Variants in IGF1R observed in about 807,000 individuals in gnomAD.
IGF1R encodes the protein insulin-like growth factor 1 receptor.
IGF1R carries 44 observed loss-of-function variants against 144.6 expected under a neutral mutation model. The ratio of observed to expected loss-of-function variants is 0.30; its 90% CI spans 0.24 to 0.39. The LOEUF (loss-of-function observed/expected upper bound fraction) is 0.39. Ranked by LOEUF, IGF1R falls within the 10% of genes least tolerant of loss-of-function variation. IGF1R has a pLI of 1.00. For synonymous variants in IGF1R, 795 were observed against 722.8 expected (o/e 1.10, Z -1.60); for missense variants, 1,355 against 1,833.7 (o/e 0.74, Z 4.77).
chr15:98,960,786 T>TC lies in IGF1R; in HGVS notation c.*3349dup. The TC allele has an allele frequency of 4.3e-6, 1 of 233,538 alleles. No individual in the cohort carries two copies. Among genetic ancestry groups the TC allele is most frequent in the East Asian group, 6.0e-5 (1 of 16,568 alleles). 14.5% of individuals were successfully genotyped at this position (233,538 alleles called of 1,614,324 possible). A position where few individuals can be genotyped will look rare whatever the true frequency, so the allele number is the denominator to read the frequency against. The stretch of plus-strand genomic sequence containing the variant: ...GAACACACGCAGGAGCAGAGTCCCC[T>TC]CCCCCTCCAGGCTGCCCTCTCAACT... On this transcript the variant is annotated 3_prime_UTR_variant, in exon 21 of 21. Transcript: ENST00000650285.
At chr15:98,855,197 CATGAGAGTGAGG>C (rs2011737849) in intron 2 of IGF1R, among the ~76,000 whole-genome samples, 1 of 152,212 alleles carries the variant, frequency 6.6e-6, no homozygotes, top group Admixed American at 6.5e-5. Flanking sequence ...TGTGTCCCCC[CATGAGAGTGAGG>C]ACAGTCTCAT....
chr15:98,722,747 G>A (rs73473492), intron 2 of IGF1R, among the ~76,000 whole-genome samples: 9,961 of 152,208 alleles, frequency 0.065, 858 homozygotes, highest in African/African-American at 0.2. Context: ...TGAGGCCTTA[G>A]CACTTAACAG....
intron 1 of IGF1R, among the ~76,000 whole-genome samples, chr15:98,667,261 C>T (rs2052766603): frequency 6.6e-6 from 1 of 152,174 alleles, no homozygotes; most frequent in African/African-American, 2.4e-5. Flanking sequence ...CTTATTTTTC[C>T]AGAAGAGAGA....
At chr15:98,756,070 TA>T (rs1221630757) in intron 2 of IGF1R, among the ~76,000 whole-genome samples, 5 of 152,186 alleles carry the variant, frequency 3.3e-5, no homozygotes, top group East Asian at 3.8e-4. Context: ...GATTTGCTAA[TA>T]TTTTTTTAAA....
intron 11 of IGF1R, among the ~76,000 whole-genome samples, chr15:98,922,750 G>T (rs756225951): frequency 6.6e-6 from 1 of 152,210 alleles, no homozygotes; most frequent in South Asian, 2.1e-4. Flanking sequence ...CCCCTCTTGC[G>T]CACAAATCGG....
At chr15:98,865,595 G>C (rs978937572) in intron 2 of IGF1R, among the ~76,000 whole-genome samples, 1 of 152,208 alleles carries the variant, frequency 6.6e-6, no homozygotes, top group African/African-American at 2.4e-5. Context: ...TTTGTGGTTT[G>C]GGAAGATATG....
intron 5 of IGF1R, among the ~76,000 whole-genome samples, chr15:98,907,672 C>G (rs544230498): frequency 1.3e-5 from 2 of 152,362 alleles, no homozygotes; most frequent in East Asian, 3.9e-4. Context: ...GGATCTTTCT[C>G]TAGACCTAAG....
intron 10 of IGF1R, among the ~76,000 whole-genome samples, chr15:98,920,289 T>C (rs1224025826): frequency 1.3e-5 from 2 of 152,228 alleles, no homozygotes; most frequent in African/African-American, 2.4e-5. Flanking sequence ...GATAATGTTC[T>C]GTGTCACCTC....
At chr15:98,943,904 C>CT (rs2151720224) in intron 19 of IGF1R, among the ~76,000 whole-genome samples, 1 of 152,210 alleles carries the variant, frequency 6.6e-6, no homozygotes, top group South Asian at 2.1e-4. Context: ...CCTCGTAAAC[C>CT]TTTCACAGTT....
chr15:98,844,235 G>C (rs1166643922), intron 2 of IGF1R, among the ~76,000 whole-genome samples: 1 of 152,120 alleles, frequency 6.6e-6, no homozygotes, highest in Admixed American at 6.6e-5. Flanking sequence ...AAAAGCAAAG[G>C]AAATTCCAGA....
Position 98,963,761 on chromosome 15 carries a change from G to A in IGF1R, c.*6319G>A, listed in dbSNP as rs879892789. The A allele has an allele frequency of 1.1e-4, 26 of 232,908 alleles. No individual in the cohort carries two copies. Among genetic ancestry groups the A allele is most frequent in the African/African-American group, 5.1e-4 (23 of 45,300 alleles). The allele number at this position is 232,908 out of a possible 1,614,324, so 14.4% of individuals were successfully genotyped here. On this transcript the variant is annotated 3_prime_UTR_variant, in exon 21 of 21. Transcript: ENST00000650285. ...CAGAAGAGACCCTATTTTATTTAAG[G>A]CAGAACCCCGAAGATACGTATTTCC... is the stretch of plus-strand genomic sequence containing the variant.
At chr15:98,717,506 G>A (rs1312545428) in intron 2 of IGF1R, among the ~76,000 whole-genome samples, 1 of 152,134 alleles carries the variant, frequency 6.6e-6, no homozygotes, top group Non-Finnish European at 1.5e-5. Context: ...CATACTGTAG[G>A]TGTGGTTCTT....
intron 2 of IGF1R, among the ~76,000 whole-genome samples, chr15:98,759,307 C>T (rs1382769425): frequency 6.6e-6 from 1 of 152,198 alleles, no homozygotes; most frequent in African/African-American, 2.4e-5. Context: ...CAGAGTGCCC[C>T]AGAAAGGACA....
At chr15:98,918,751 C>T (rs750565025) in intron 10 of IGF1R, among the ~76,000 whole-genome samples, 2 of 152,158 alleles carry the variant, frequency 1.3e-5, no homozygotes, top group South Asian at 4.1e-4. Context: ...TGGTGGTGCA[C>T]ACCTGTAATC....
intron 2 of IGF1R, among the ~76,000 whole-genome samples, chr15:98,852,435 G>T (rs999406831): frequency 1.3e-5 from 2 of 152,244 alleles, no homozygotes; most frequent in African/African-American, 2.4e-5. Flanking sequence ...CTCCCCGCCG[G>T]CCAATCGCTG....
chr15:98,675,967 A>T (rs2053031429), intron 1 of IGF1R, among the ~76,000 whole-genome samples: 1 of 151,302 alleles, frequency 6.6e-6, no homozygotes, highest in African/African-American at 2.4e-5. Context: ...CTGGGATTAC[A>T]GGCGTGCGCC....
In IGF1R at chr15:98,959,055, A is replaced by AC. The variant is rs2017123950; in HGVS notation, c.*1614dup. 4.3e-6 allele frequency: 1 copy of AC among 233,140 alleles called. No homozygotes were observed. The highest frequency in any genetic ancestry group is 8.5e-6 in the Non-Finnish European group (1 of 118,026). 14.4% of individuals were successfully genotyped at this position (233,140 alleles called of 1,614,324 possible). A position where few individuals can be genotyped will look rare whatever the true frequency, so the allele number is the denominator to read the frequency against. ...TGCCCTCACAGCATTGGAGCCTGTT[A>AC]CAGTGCAAGACATGATACAAACTCA... On this transcript the variant is annotated 3_prime_UTR_variant, in exon 21 of 21. Transcript: ENST00000650285.
intron 20 of IGF1R, among the ~76,000 whole-genome samples, chr15:98,956,186 G>A (rs1192027191): frequency 4.6e-5 from 7 of 152,272 alleles, no homozygotes; most frequent in Non-Finnish European, 1.0e-4. Flanking sequence ...ACAGCCGGCA[G>A]GACTCCCTTT....
intron 17 of IGF1R, among the ~76,000 whole-genome samples, chr15:98,937,983 C>A (rs1482775395): frequency 3.9e-5 from 6 of 152,214 alleles, no homozygotes; most frequent in African/African-American, 1.4e-4. Flanking sequence ...CACCAAGAGA[C>A]AGCTTTGACA....
Sources: gnomAD v4.1 joint callset for allele counts (sites outside exome capture counted in the v4.1 genomes callset) on GRCh38, gnomAD v4.1.1 for gene constraint, MANE v1.5 for transcripts, NCBI Gene and HGNC (gene_info 2026-07-23, HGNC 2026-07-21) for gene names.